The following KCNIP4 variants were observed in gnomAD, a reference collection of about 807,000 sequenced individuals.
The protein encoded by KCNIP4 is potassium voltage-gated channel interacting protein 4.
KCNIP4 carries 12 observed loss-of-function variants against 34.0 expected under a neutral mutation model. The observed-to-expected ratio is 0.35, with a 90% CI of 0.23 to 0.57. The LOEUF (loss-of-function observed/expected upper bound fraction) is 0.57, where lower values mean the gene tolerates loss of function less well. Ranked by LOEUF, KCNIP4 falls within the 20% of genes least tolerant of loss-of-function variation. The pLI is 0.83. For missense variants in KCNIP4, 238 were observed against 311.7 expected (o/e 0.76, Z 1.78); for synonymous variants, 124 against 102.2 (o/e 1.21, Z -1.29).
intron 3 of KCNIP4, among the ~76,000 whole-genome samples, chr4:20,834,148 A>G (rs1230902305): frequency 3.9e-5 from 6 of 152,226 alleles, no homozygotes; most frequent in African/African-American, 1.4e-4. Context: ...CAGATATTCC[A>G]GAGAAGAGTA....
intron 1 of KCNIP4, among the ~76,000 whole-genome samples, chr4:21,928,000 T>C (rs539015884): frequency 6.6e-6 from 1 of 152,222 alleles, no homozygotes; most frequent in South Asian, 2.1e-4. Context: ...GCAGTCTGTC[T>C]ACATAGGTTA....
At chr4:20,938,658 A>G (rs1296317045) in intron 1 of KCNIP4, among the ~76,000 whole-genome samples, 2 of 152,138 alleles carry the variant, frequency 1.3e-5, no homozygotes, top group Admixed American at 6.5e-5. Flanking sequence ...AACTTCTCCA[A>G]TGCCTCCCTA....
Position 21,670,571 on chromosome 4 carries a change from T to TA in KCNIP4, c.61+277999dup, listed in dbSNP as rs1008432771. Among the ~76,000 whole-genome samples the TA allele has an allele frequency of 3.1e-3, 471 of 149,536 alleles. 3 individuals carry two copies. The highest frequency in any genetic ancestry group is 0.01 in the Middle Eastern group (3 of 294). Reference sequence around the variant, plus strand: ...ATGTACCCTAAAACTTAAAGTATAATAAAAAAAAAATCGATCATATTGAAG... The same window carrying TA: ...ATGTACCCTAAAACTTAAAGTATAATAAAAAAAAAAATCGATCATATTGAAG... On this transcript the variant is annotated intron_variant, in intron 1 of 8. Transcript: ENST00000382152.
chr4:21,456,081 T>C (rs2109759263), intron 1 of KCNIP4, among the ~76,000 whole-genome samples: 1 of 146,474 alleles, frequency 6.8e-6, no homozygotes, highest in African/African-American at 2.7e-5. Flanking sequence ...ACCCACCCCA[T>C]TTTTATATCT....
At chr4:20,738,035 G>C (rs1750081282) in intron 5 of KCNIP4, among the ~76,000 whole-genome samples, 1 of 151,806 alleles carries the variant, frequency 6.6e-6, no homozygotes, top group Non-Finnish European at 1.5e-5. Context: ...GGGAGGCTGA[G>C]ATGGGAATCA....
intron 3 of KCNIP4, among the ~76,000 whole-genome samples, chr4:20,777,271 G>A (rs552019350): frequency 5.9e-5 from 9 of 152,258 alleles, no homozygotes; most frequent in Non-Finnish European, 1.2e-4. Flanking sequence ...ATCAGCTCTT[G>A]TGAGAACTCA....
chr4:21,248,527 C>CTGCA (rs1760458446), intron 1 of KCNIP4, among the ~76,000 whole-genome samples: 1 of 152,100 alleles, frequency 6.6e-6, no homozygotes, highest in Admixed American at 6.6e-5. Flanking sequence ...TTTCCAAATG[C>CTGCA]TGCATTTTTT....
chr4:21,062,516 G>A (rs75519851), intron 1 of KCNIP4, among the ~76,000 whole-genome samples: 14,865 of 145,662 alleles, frequency 0.1, 892 homozygotes, highest in African/African-American at 0.18. Flanking sequence ...AATCATATAT[G>A]TATGTGTGTG....
chr4:20,874,358 G>T (rs376899189), intron 2 of KCNIP4, among the ~76,000 whole-genome samples: 1 of 152,048 alleles, frequency 6.6e-6, no homozygotes, highest in Non-Finnish European at 1.5e-5. Context: ...ACTTGTATTC[G>T]TTGTGTCTTA....
At chr4:21,054,841 G>C (rs968281648) in intron 1 of KCNIP4, among the ~76,000 whole-genome samples, 2 of 151,258 alleles carry the variant, frequency 1.3e-5, no homozygotes, top group African/African-American at 4.9e-5. Flanking sequence ...AGAAAACCTA[G>C]AAGACCTTGA....
intron 1 of KCNIP4, among the ~76,000 whole-genome samples, chr4:21,912,421 G>A (rs1351219938): frequency 6.6e-6 from 1 of 152,148 alleles, no homozygotes; most frequent in Non-Finnish European, 1.5e-5. Flanking sequence ...ATCAGTTCTG[G>A]TTTTTGTCCA....
chr4:21,024,004 A>G (rs1459855719), intron 1 of KCNIP4, among the ~76,000 whole-genome samples: 15 of 152,176 alleles, frequency 9.9e-5, no homozygotes, highest in Admixed American at 6.5e-5. Flanking sequence ...ACCCTCATAC[A>G]CTGTGGGTGA....
At chr4:21,908,862 T>C (rs1294019267) in intron 1 of KCNIP4, among the ~76,000 whole-genome samples, 1 of 152,126 alleles carries the variant, frequency 6.6e-6, no homozygotes, top group South Asian at 2.1e-4. Flanking sequence ...GAACTGGAAA[T>C]TGAGAATGGA....
intron 1 of KCNIP4, among the ~76,000 whole-genome samples, chr4:20,933,865 T>A (rs17634356): frequency 6.6e-6 from 1 of 152,088 alleles, no homozygotes; most frequent in East Asian, 1.9e-4. Context: ...CAAACTTCCA[T>A]GTACTGGAAA....
chr4:21,683,446 A>ATTT lies in KCNIP4; in HGVS notation c.61+265122_61+265124dup, dbSNP rs71191533. On this transcript the variant is annotated intron_variant, in intron 1 of 8. Coordinates refer to ENST00000382152, the MANE Select transcript of KCNIP4 (RefSeq NM_025221.6). ...TACGACTAATGATTGGTGAAGCCAGATTTTTTTTTTTTTTTTTTTTTTTTT... is the reference window on the plus strand; with the variant it reads ...TACGACTAATGATTGGTGAAGCCAGATTTTTTTTTTTTTTTTTTTTTTTTTTTT... Among the ~76,000 whole-genome samples the ATTT allele has an allele frequency of 2.1e-3, 96 of 46,616 alleles. 20 individuals carry two copies. The highest frequency in any genetic ancestry group is 5.6e-3 in the East Asian group (7 of 1,246). The allele number at this position is 46,616 out of a possible 152,430, so 30.6% of individuals were successfully genotyped here.
chr4:21,934,679 G>A (rs895878681), intron 1 of KCNIP4, among the ~76,000 whole-genome samples: 1 of 151,870 alleles, frequency 6.6e-6, no homozygotes, highest in Non-Finnish European at 1.5e-5. Flanking sequence ...AGAGTACCAC[G>A]TGCCACCCTC....
At chr4:20,849,742 T>C (rs2149482011) in intron 3 of KCNIP4, among the ~76,000 whole-genome samples, 1 of 152,348 alleles carries the variant, frequency 6.6e-6, no homozygotes, top group South Asian at 2.1e-4. Context: ...TGTATGCTAT[T>C]TGATACATAA....
At chr4:21,445,816 TA>T (rs1727930077) in intron 1 of KCNIP4, among the ~76,000 whole-genome samples, 13 of 152,188 alleles carry the variant, frequency 8.5e-5, no homozygotes, top group Admixed American at 4.6e-4. Context: ...CAAAAGAAAC[TA>T]CCATCAGAGT....
intron 1 of KCNIP4, among the ~76,000 whole-genome samples, chr4:21,336,475 G>C (rs959285346): frequency 1.3e-5 from 2 of 151,876 alleles, no homozygotes; most frequent in African/African-American, 4.8e-5. Context: ...TATTCATCAA[G>C]GTATAAAGCT....
Sources: allele counts gnomAD v4.1 joint callset (sites outside exome capture counted in the v4.1 genomes callset), GRCh38; gene constraint gnomAD v4.1.1; transcripts MANE v1.5; gene names NCBI Gene and HGNC (gene_info 2026-07-23, HGNC 2026-07-21).